Variants in RBFOX1 observed in about 807,000 individuals in gnomAD.
The protein encoded by RBFOX1 is RNA binding protein fox-1 homolog 1.
In RBFOX1, 8 loss-of-function variants were observed where a neutral mutation model predicts 57.7. The ratio of observed to expected loss-of-function variants is 0.14; its 90% CI spans 0.08 to 0.25. The LOEUF is 0.25. Ranked by LOEUF, RBFOX1 falls within the 10% of genes least tolerant of loss-of-function variation. The pLI, the probability that RBFOX1 is intolerant of heterozygous loss-of-function variation, is 1.00. For synonymous variants in RBFOX1, 326 were observed against 222.4 expected, an observed-to-expected ratio of 1.47 and a Z score of -4.15; for missense variants, 611 against 548.5, an observed-to-expected ratio of 1.11 and a Z score of -1.14.
At chr16:6,938,206 C>G (rs530990213) in intron 3 of RBFOX1, among the ~76,000 whole-genome samples, 118 of 152,258 alleles carry the variant, frequency 7.7e-4, no homozygotes, top group African/African-American at 2.5e-3. Context: ...TATAATCTGT[C>G]ATTGTCCAGA....
intron 4 of RBFOX1, among the ~76,000 whole-genome samples, chr16:7,187,214 T>C (rs530842368): frequency 1.3e-5 from 2 of 152,104 alleles, no homozygotes; most frequent in African/African-American, 2.4e-5. Context: ...TCTAGTCATT[T>C]TGAAGTACTG....
At chr16:6,582,809 TC>T (rs1272447528) in intron 2 of RBFOX1, among the ~76,000 whole-genome samples, 1 of 143,122 alleles carries the variant, frequency 7.0e-6, no homozygotes, top group Non-Finnish European at 1.5e-5. Context: ...TAGCTTCCCC[TC>T]CCCTCCTCAC....
chr16:6,271,105 C>T (rs2075156716), intron 1 of RBFOX1, among the ~76,000 whole-genome samples: 1 of 152,110 alleles, frequency 6.6e-6, no homozygotes, highest in Non-Finnish European at 1.5e-5. Flanking sequence ...CTTCAAATCA[C>T]TAATCTAAAC....
chr16:7,604,233 T>G (rs1396624693), intron 9 of RBFOX1, among the ~76,000 whole-genome samples: 1 of 152,114 alleles, frequency 6.6e-6, no homozygotes, highest in Non-Finnish European at 1.5e-5. Flanking sequence ...GACTAGAAAT[T>G]GGGTTTTCAT....
At chr16:7,459,008 C>A in intron 4 of RBFOX1, among the ~76,000 whole-genome samples, 1 of 152,020 alleles carries the variant, frequency 6.6e-6, no homozygotes, top group East Asian at 1.9e-4. Flanking sequence ...ATGATTAAAC[C>A]TATGAATGGA....
intron 1 of RBFOX1, among the ~76,000 whole-genome samples, chr16:6,022,719 A>C (rs2095108362): frequency 1.3e-5 from 2 of 152,198 alleles, no homozygotes; most frequent in Non-Finnish European, 2.9e-5. Flanking sequence ...AACAAAAAAC[A>C]ATTTGTGATA....
intron 1 of RBFOX1, among the ~76,000 whole-genome samples, chr16:6,270,993 C>A (rs1461462127): frequency 6.6e-6 from 1 of 152,108 alleles, no homozygotes; most frequent in Non-Finnish European, 1.5e-5. Flanking sequence ...GTGTATTGGG[C>A]AGAATGAATG....
intron 4 of RBFOX1, among the ~76,000 whole-genome samples, chr16:7,423,550 T>C (rs1159968434): frequency 1.3e-5 from 2 of 152,142 alleles, no homozygotes; most frequent in Non-Finnish European, 2.9e-5. Flanking sequence ...ATCTGTACTT[T>C]CGATTTCACA....
At chr16:6,491,464 C>A (rs1056023155) in intron 2 of RBFOX1, among the ~76,000 whole-genome samples, 2 of 152,106 alleles carry the variant, frequency 1.3e-5, no homozygotes, top group African/African-American at 4.8e-5. Context: ...ATAGAAGTTA[C>A]ATCAATGTTA....
rs141602126 is a variant in RBFOX1 at position 5,249,172 on chromosome 16, T to G, written c.219+9067T>G. 1.0e-3 allele frequency among the ~76,000 whole-genome samples: 155 copies of G among 152,198 alleles called. No homozygotes were observed. In the East Asian group the frequency reaches 0.025, roughly 24 times the overall value. On this transcript the variant is annotated intron_variant, in intron 1 of 2. Transcript: ENST00000585867. ...CCAGGTGAGGCTGCGCTTTGTGTGT[T>G]TTCCTTTTCCTTGTGTTCAGGCTGT...
At chr16:5,876,171 G>C (rs928171834) in intron 4 of RBFOX1, among the ~76,000 whole-genome samples, 15 of 151,870 alleles carry the variant, frequency 9.9e-5, no homozygotes, top group African/African-American at 3.6e-4. Flanking sequence ...TTGCATTGGG[G>C]GTTAATGAGT....
intron 4 of RBFOX1, among the ~76,000 whole-genome samples, chr16:7,077,376 G>A (rs1489353508): frequency 2.0e-5 from 3 of 152,182 alleles, no homozygotes; most frequent in African/African-American, 7.2e-5. Context: ...TCCTACAAAA[G>A]TCAAAATGGG....
At chr16:6,347,326 G>A (rs1199910209) in intron 2 of RBFOX1, among the ~76,000 whole-genome samples, 1 of 152,112 alleles carries the variant, frequency 6.6e-6, no homozygotes, top group Non-Finnish European at 1.5e-5. Flanking sequence ...CTTTACTGGG[G>A]GCTTCATGTG....
intron 4 of RBFOX1, among the ~76,000 whole-genome samples, chr16:5,997,174 C>G (rs1596369680): frequency 6.6e-6 from 1 of 152,184 alleles, no homozygotes; most frequent in East Asian, 1.9e-4. Flanking sequence ...TGCTGGTGCT[C>G]TCCATTGTCC....
intron 1 of RBFOX1, among the ~76,000 whole-genome samples, chr16:5,410,062 A>ATG (rs1472357327): frequency 1.7e-5 from 2 of 115,654 alleles, no homozygotes; most frequent in Non-Finnish European, 3.6e-5. Flanking sequence ...AAAAAAAAAA[A>ATG]AAAATAATAA....
At chr16:5,599,019 T>G (rs1030216207) in exon 3 of RBFOX1, 41 of 1,389,936 alleles carry the variant, frequency 2.9e-5, no homozygotes, top group African/African-American at 4.3e-5. Flanking sequence ...TGCATCCTTT[T>G]CAGCCTCTTT....
At chr16:7,537,957 T>C (rs1363409995) in intron 5 of RBFOX1, among the ~76,000 whole-genome samples, 2 of 152,238 alleles carry the variant, frequency 1.3e-5, no homozygotes, top group African/African-American at 2.4e-5. Flanking sequence ...TAAATTTATT[T>C]CAGCAAACAT....
intron 2 of RBFOX1, among the ~76,000 whole-genome samples, chr16:6,382,888 C>T (rs1008204809): frequency 2.6e-5 from 4 of 152,044 alleles, no homozygotes; most frequent in African/African-American, 9.7e-5. Context: ...ACTCTCAAGC[C>T]CACTGAAAAG....
At chr16:6,006,366 T>C (rs2094927224) in intron 4 of RBFOX1, among the ~76,000 whole-genome samples, 1 of 133,634 alleles carries the variant, frequency 7.5e-6, no homozygotes, top group African/African-American at 2.9e-5. Flanking sequence ...GTTTGAGCCC[T>C]ACTGTAGGGA....
Sources: gnomAD v4.1 joint callset for allele counts (sites outside exome capture counted in the v4.1 genomes callset) on GRCh38, gnomAD v4.1.1 for gene constraint, MANE v1.5 for transcripts, NCBI Gene and HGNC (gene_info 2026-07-23, HGNC 2026-07-21) for gene names.